The following MIA2 variants were observed in gnomAD, a reference collection of about 807,000 sequenced individuals.
The protein encoded by MIA2 is melanoma inhibitory activity protein 2.
A neutral mutation model predicts 167.8 loss-of-function variants in MIA2; 127 were observed. The observed-to-expected ratio is 0.76, with a 90% CI of 0.66 to 0.88. The LOEUF (loss-of-function observed/expected upper bound fraction) is 0.88, where lower values mean the gene tolerates loss of function less well. Ranked by LOEUF, MIA2 falls within the 40% of genes least tolerant of loss-of-function variation. The pLI is 0.00. For missense variants in MIA2, 1,690 were observed against 1,624.7 expected (o/e 1.04, Z -0.69); for synonymous variants, 552 against 541.9 (o/e 1.02, Z -0.26).
At chr14:39,342,874 T>C (rs1019757586) in intron 25 of MIA2, among the ~76,000 whole-genome samples, 2 of 152,200 alleles carry the variant, frequency 1.3e-5, no homozygotes, top group Non-Finnish European at 2.9e-5. Flanking sequence ...AGTTCTGTTT[T>C]ATCAGCTTTC....
Position 39,236,936 on chromosome 14 carries a change from G to C in MIA2, c.130G>C (p.Val44Leu). Residue 44 changes from valine to leucine, a missense_variant, in exon 2 of 29, where the codon GTC becomes CTC. By Grantham distance (32) the Val-to-Leu change is conservative (BLOSUM62 1). Transcript: ENST00000640607. Reference protein sequence around the residue: ...DLECEALINRVSAMRDYRGPD... With the variant: ...DLECEALINRLSAMRDYRGPD... The stretch of plus-strand genomic sequence containing the variant: ...GTTTTACATAGCTTTAATAAACAGA[G>C]TCTCAGCCATGAGAGATTATAGAGG... 6.2e-7 allele frequency: 1 copy of C among 1,611,310 alleles called. No individual in the cohort carries two copies. The highest frequency in any genetic ancestry group is 8.5e-7 in the Non-Finnish European group (1 of 1,179,152).
Position 39,288,446 on chromosome 14 carries a change from TATATATATATATATATATATATATATA to T in MIA2, c.2131-2572_2131-2546del, listed in dbSNP as rs1406455924. ...TATATATTATACATATATATATATA[TATATATATATATATATATATATATATA>T]TATTTTTTTTTTTTTTTTTGAGACG... is the stretch of plus-strand genomic sequence containing the variant. On this transcript the variant is annotated intron_variant, in intron 9 of 28. Coordinates refer to ENST00000640607, the MANE Select transcript of MIA2 (RefSeq NM_001329214.4). Among the ~76,000 whole-genome samples, 60 of 28,078 alleles carry T rather than the reference TATATATATATATATATATATATATATA, an allele frequency of 2.1e-3. 1 individual carries two copies. The highest frequency in any genetic ancestry group is 5.2e-3 in the South Asian group (5 of 954). 18.4% of individuals were successfully genotyped at this position (28,078 alleles called of 152,430 possible). A position where few individuals can be genotyped will look rare whatever the true frequency, so the allele number is the denominator to read the frequency against.
intron 7 of MIA2, among the ~76,000 whole-genome samples, chr14:39,277,591 C>T (rs1180515592): frequency 3.4e-5 from 5 of 146,834 alleles, no homozygotes; most frequent in East Asian, 2.1e-4. Context: ...TCAAGTGATC[C>T]TCCTGCCTCG....
chr14:39,337,103 A>G (rs1300453114), intron 25 of MIA2, among the ~76,000 whole-genome samples: 2 of 152,146 alleles, frequency 1.3e-5, no homozygotes, highest in Admixed American at 6.5e-5. Context: ...GACCTTATAT[A>G]TTATATAGTG....
In MIA2 at chr14:39,350,044, C is replaced by A. The variant is rs545880949; in HGVS notation, c.4073-54C>A. 43 of 664,534 alleles carry A rather than the reference C, an allele frequency of 6.5e-5. No homozygotes were observed. In the African/African-American group the frequency reaches 7.1e-4, roughly 11 times the overall value. 41.2% of individuals were successfully genotyped at this position (664,534 alleles called of 1,614,324 possible). On this transcript the variant is annotated intron_variant, in intron 28 of 28. Coordinates refer to ENST00000640607, the MANE Select transcript of MIA2 (RefSeq NM_001329214.4). ...TTATAAACTTAATGATTTATTAGGG[C>A]ACAGTACAGGTTCTTAAAGTTAAAA...
intron 24 of MIA2, among the ~76,000 whole-genome samples, chr14:39,324,877 G>A (rs887034417): frequency 1.3e-5 from 2 of 152,128 alleles, no homozygotes; most frequent in Admixed American, 6.5e-5. Flanking sequence ...AGAGTGCTAG[G>A]ATTACAGGCA....
At chr14:39,269,945 A>T (rs187808398) in intron 6 of MIA2, among the ~76,000 whole-genome samples, 113 of 152,238 alleles carry the variant, frequency 7.4e-4, no homozygotes, top group Middle Eastern at 3.4e-3. Context: ...CTTTGTGTAT[A>T]AGTTTTTATA....
At chr14:39,357,856 T>G (rs2074570399) in intron 23 of MIA2, among the ~76,000 whole-genome samples, 1 of 139,500 alleles carries the variant, frequency 7.2e-6, no homozygotes, top group East Asian at 2.1e-4. Flanking sequence ...AAAATTCTTT[T>G]CTTTAAGAAT....
At chr14:39,354,709 C>A (rs2074476935), downstream of MIA2, among the ~76,000 whole-genome samples, 1 of 152,156 alleles carries the variant, frequency 6.6e-6, no homozygotes, top group Non-Finnish European at 1.5e-5. Context: ...ACATTTAAGT[C>A]TTTAATCCAT....
Position 39,293,260 on chromosome 14 carries a change from TTCTC to T in MIA2, c.2209-7_2209-4del. The stretch of plus-strand genomic sequence containing the variant: ...TTATATCTGTTTAATAAAGTTGGCT[TTCTC>T]TCTTAGGCAACCTGTGAAAAGCTGA... On this transcript the variant is annotated splice_polypyrimidine_tract_variant and splice_region_variant and intron_variant, in intron 10 of 28. Transcript: ENST00000640607. 6.3e-7 allele frequency: 1 copy of T among 1,580,582 alleles called. No individual in the cohort carries two copies. Among genetic ancestry groups the T allele is most frequent in the Non-Finnish European group, 8.7e-7 (1 of 1,154,634 alleles).
rs192638234 is a variant in MIA2 at position 39,358,173 on chromosome 14, G to A, written c.2248+9196G>A. Among the ~76,000 whole-genome samples, 338 of 152,232 alleles carry A rather than the reference G, an allele frequency of 2.2e-3. 2 individuals are homozygous for A. Among genetic ancestry groups the A allele is most frequent in the East Asian group, 0.016 (81 of 5,180 alleles). ...TTTCCAACTTGGTTCCATTCTCCCCGTCACTTTCAGGTACACCAATCAGAC... is the reference window on the plus strand; with the variant it reads ...TTTCCAACTTGGTTCCATTCTCCCCATCACTTTCAGGTACACCAATCAGAC... On this transcript the variant is annotated intron_variant, in intron 23 of 23. Transcript: ENST00000341502.
intron 6 of MIA2, among the ~76,000 whole-genome samples, chr14:39,273,845 G>T (rs1003253535): frequency 1.3e-5 from 2 of 152,120 alleles, no homozygotes; most frequent in Non-Finnish European, 2.9e-5. Context: ...CAGCCTCATA[G>T]AATAAGTTAG....
At position 39,234,064 on chromosome 14, in the gene MIA2, C is replaced by A; in HGVS notation, c.-51C>A. The A allele has an allele frequency of 8.2e-7, 1 of 1,220,088 alleles. No individual in the cohort carries two copies. The highest frequency in any genetic ancestry group is 1.2e-6 in the Non-Finnish European group (1 of 843,562). The allele number at this position is 1,220,088 out of a possible 1,614,324, so 75.6% of individuals were successfully genotyped here. A position where few individuals can be genotyped will look rare whatever the true frequency, so the allele number is the denominator to read the frequency against. On this transcript the variant is annotated 5_prime_UTR_variant, in exon 1 of 29. It adds an upstream start codon to the 5' untranslated region. Transcript: ENST00000640607. ...CAGTTTTGGCTGACATCTCTACAAC[C>A]TGAACAATTGGCTTAAACTTCACTT...
intron 6 of MIA2, chr14:39,265,450 A>C (rs2055442337): frequency 6.3e-7 from 1 of 1,579,368 alleles, no homozygotes; most frequent in Admixed American, 1.8e-5. Context: ...AGCATACTGA[A>C]ACAAATGAGG....
rs78488913 is a variant in MIA2, at chr14:39,313,365, C to A, written c.3043C>A (p.Arg1015=). 1 of 1,593,692 alleles carries A rather than the reference C, an allele frequency of 6.3e-7. No individual in the cohort carries two copies. The highest frequency in any genetic ancestry group is 1.1e-5 in the South Asian group (1 of 87,542). The change falls in exon 19 of 29, where the codon CGG becomes AGG. Residue 1015 remains arginine, a synonymous_variant. Transcript: ENST00000640607. ...HRKLTVEENY[R]LEKEEKLSKV... The stretch of plus-strand genomic sequence containing the variant: ...GAAATTAACAGTAGAGGAAAATTAT[C>A]GGTTAGAGAAAGAAGAGAAACTTTC...
intron 1 of MIA2, among the ~76,000 whole-genome samples, chr14:39,234,657 G>A (rs1422644057): frequency 6.6e-6 from 1 of 151,876 alleles, no homozygotes; most frequent in African/African-American, 2.4e-5. Context: ...TTCACACTCA[G>A]AACTTTCTGA....
chr14:39,267,151 G>A, intron 6 of MIA2: 1 of 1,159,616 alleles, frequency 8.6e-7, no homozygotes, highest in Non-Finnish European at 1.1e-6. Context: ...GCGGCTGCCC[G>A]GCCGAAACCA....
At chr14:39,373,520 G>A (rs952445514) in intron 23 of MIA2, among the ~76,000 whole-genome samples, 17 of 152,194 alleles carry the variant, frequency 1.1e-4, no homozygotes, top group African/African-American at 4.1e-4. Context: ...CCATTAGGAT[G>A]TGTAGAAATG....
chr14:39,263,248 G>A (rs533623535), intron 6 of MIA2, among the ~76,000 whole-genome samples: 81 of 152,224 alleles, frequency 5.3e-4, no homozygotes, highest in African/African-American at 1.7e-3. Context: ...TTTGTCGAAG[G>A]CCTTTTCTGC....
Sources: gnomAD v4.1 joint callset for allele counts (sites outside exome capture counted in the v4.1 genomes callset) on GRCh38, gnomAD v4.1.1 for gene constraint, MANE v1.5 for transcripts, NCBI Gene and HGNC (gene_info 2026-07-23, HGNC 2026-07-21) for gene names.